SBDS: variants seen among roughly 807,000 people sequenced by gnomAD.
SBDS encodes the protein SBDS ribosome maturation factor.
A neutral mutation model predicts 26.4 loss-of-function variants in SBDS; 20 were observed. That is an observed-to-expected ratio of 0.76 (90% CI 0.53 to 1.10). The LOEUF (loss-of-function observed/expected upper bound fraction) is 1.10. Among genes scored for constraint, SBDS ranks in the 50% least tolerant of loss-of-function variants. SBDS has a pLI of 0.00. For missense variants in SBDS, 241 were observed against 302.0 expected, an observed-to-expected ratio of 0.80 and a Z score of 1.50; for synonymous variants, 95 against 105.1, an observed-to-expected ratio of 0.90 and a Z score of 0.59.
At chr7:66,995,265 A>G in intron 1 of SBDS, 25 bp downstream of exon 1, 1 of 1,613,160 alleles carries the variant, frequency 6.2e-7, no homozygotes, top group Non-Finnish European at 8.5e-7. Flanking sequence ...GCCCAGGCCC[A>G]GGCCCGAGGG....
At position 66,987,720 on chromosome 7, in the gene SBDS, T is replaced by C. The variant is rs1792897325; in HGVS notation, c.*651A>G. 1 of 168,744 alleles carries C rather than the reference T, an allele frequency of 5.9e-6. No homozygotes were observed. Among genetic ancestry groups the C allele is most frequent in the East Asian group, 1.2e-4 (1 of 8,678 alleles). The allele number at this position is 168,744 out of a possible 1,614,324, so 10.5% of individuals were successfully genotyped here. On this transcript the variant is annotated 3_prime_UTR_variant, in exon 5 of 5. Coordinates refer to ENST00000246868, the MANE Select transcript of SBDS (RefSeq NM_016038.4). ...CATAGTTTAATAAACATAAGAGTGG[T>C]TTTATTGATTACATACAATTTTAGC...
intron 1 of SBDS, 141 bp downstream of exon 1, chr7:66,995,149 T>C (rs1409420801): frequency 1.7e-6 from 2 of 1,208,194 alleles, no homozygotes; most frequent in Non-Finnish European, 2.4e-6. Context: ...CAGCGACGTC[T>C]CATGCTCACA....
At position 66,995,580 on chromosome 7, in the gene SBDS, T is replaced by G. The variant is rs544584268; in HGVS notation, c.-163A>C. 4.9e-6 allele frequency: 5 copies of G among 1,020,484 alleles called. No homozygotes were observed. In the African/African-American group the frequency reaches 6.4e-5, roughly 13 times the overall value. The allele number at this position is 1,020,484 out of a possible 1,614,324, so 63.2% of individuals were successfully genotyped here. A position where few individuals can be genotyped will look rare whatever the true frequency, so the allele number is the denominator to read the frequency against. On this transcript the variant is annotated 5_prime_UTR_variant, in exon 1 of 5. Transcript: ENST00000246868. ...CACTAGCTTCAGGCAGCCGTCACAG[T>G]GTGTCTGGCAGGCTTACTTACTGCG...
chr7:66,994,291 A>G lies in SBDS; in HGVS notation c.179T>C (p.Val60Ala). The G allele has an allele frequency of 6.2e-7, 1 of 1,614,120 alleles. No homozygotes were observed. The highest frequency in any genetic ancestry group is 8.5e-7 in the Non-Finnish European group (1 of 1,179,982). Residue 60 changes from valine to alanine, a missense_variant, in exon 2 of 5, where the codon GTT becomes GCT. Transcript: ENST00000246868. The stretch of plus-strand genomic sequence containing the variant: ...CTTTTTGGCAACCTGACCTTTAGAA[A>G]CATTTACAAACACTGAGTGGGTCTG... ...VLQTHSVFVN[V>A]SKGQVAKKED...
chr7:66,994,174 T>G, intron 2 of SBDS, 38 bp downstream of exon 2: 1 of 1,609,446 alleles, frequency 6.2e-7, no homozygotes, highest in Non-Finnish European at 8.5e-7. Flanking sequence ...ACGTTATAAA[T>G]GGTTATTAGG....
chr7:66,990,049 C>T (rs1347884628), intron 4 of SBDS, among the ~76,000 whole-genome samples: 19 of 137,154 alleles, frequency 1.4e-4, no homozygotes, highest in African/African-American at 3.8e-4. Flanking sequence ...GATGGAGTTT[C>T]GCTCTTGTTG....
At chr7:66,991,497 A>G (rs1792974067) in intron 3 of SBDS, among the ~76,000 whole-genome samples, 196 bp from the exon 4 acceptor site, 1 of 152,086 alleles carries the variant, frequency 6.6e-6, no homozygotes, top group African/African-American at 2.4e-5. Context: ...TCAAAAAACT[A>G]TGAAGAAAGT....
intron 2 of SBDS, 104 bp from the exon 3 acceptor site, chr7:66,993,521 A>G: frequency 3.4e-6 from 3 of 887,266 alleles, no homozygotes; most frequent in Non-Finnish European, 5.5e-6. Context: ...AGAAAATTAA[A>G]TTTCATCCTC....
intron 3 of SBDS, among the ~76,000 whole-genome samples, chr7:66,992,955 C>T (rs746278166): frequency 2.1e-4 from 31 of 150,220 alleles, no homozygotes; most frequent in Non-Finnish European, 3.2e-4. Context: ...TGTAGTGAGC[C>T]GAGATCATAC....
At position 66,991,289 on chromosome 7, in the gene SBDS, T is replaced by A. The variant is rs750709245; in HGVS notation, c.472A>T (p.Ile158Leu). The A allele has an allele frequency of 6.2e-7, 1 of 1,612,268 alleles. No individual in the cohort carries two copies. Among genetic ancestry groups the A allele is most frequent in the Non-Finnish European group, 8.5e-7 (1 of 1,178,800 alleles). The change falls in exon 4 of 5, where the codon ATA becomes TTA. Residue 158 changes from isoleucine (I) to leucine (L), a missense_variant. Ile to Leu is a conservative substitution (Grantham distance 5). Coordinates refer to ENST00000246868, the MANE Select transcript of SBDS (RefSeq NM_016038.4). ...KSTKQQALEV[I>L]KQLKEKMKIE... is the part of the protein sequence containing the mutation. ...TTCATTTTCTCTTTTAACTGCTTTA[T>A]CACTTCCAAAGCCTACCAAGACAAA...
At chr7:66,989,012 G>A (rs1792922426) in intron 4 of SBDS, among the ~76,000 whole-genome samples, 1 of 151,902 alleles carries the variant, frequency 6.6e-6, no homozygotes, top group South Asian at 2.1e-4. Context: ...TGGGATTACA[G>A]GAACCCACCA....
rs2129233023 is a variant in SBDS at position 66,995,489 on chromosome 7, C to T, written c.-72G>A. The T allele has an allele frequency of 6.8e-6, 11 of 1,607,892 alleles. No individual in the cohort carries two copies. In the South Asian group the frequency reaches 1.2e-4, roughly 18 times the overall value. On this transcript the variant is annotated 5_prime_UTR_variant, in exon 1 of 5. Coordinates refer to ENST00000246868, the MANE Select transcript of SBDS (RefSeq NM_016038.4). ...CGCCGTCCAGCCTGAAGGCCACCAG[C>T]GCCTCGCGGTAACGACCGATCGGCG...
At chr7:66,992,150 C>T (rs1292755271) in intron 3 of SBDS, among the ~76,000 whole-genome samples, 7 of 152,142 alleles carry the variant, frequency 4.6e-5, no homozygotes, top group Admixed American at 3.9e-4. Context: ...TGTTTCTTTC[C>T]GTACAGTGGG....
chr7:66,995,124 G>A (rs979055377), intron 1 of SBDS, 166 bp downstream of exon 1: 1 of 928,946 alleles, frequency 1.1e-6, no homozygotes, highest in Admixed American at 2.4e-5. Context: ...CCTTGGCTTA[G>A]GCGCCAAGCT....
At chr7:66,995,219 G>A in intron 1 of SBDS, 71 bp downstream of exon 1, 2 of 1,603,970 alleles carry the variant, frequency 1.2e-6, no homozygotes, top group Non-Finnish European at 1.7e-6. Context: ...CACTCGACTT[G>A]GGCAGAGACA....
Position 66,995,349 on chromosome 7 carries a change from G to A in SBDS, c.69C>T (p.Ala23=). Residue 23 remains alanine, a synonymous_variant, in exon 1 of 5, where the codon GCC becomes GCT. Coordinates refer to ENST00000246868, the MANE Select transcript of SBDS (RefSeq NM_016038.4). ...TNVAVVRMKR[A]GKRFEIACYK... ...AGCAGGCGATTTCGAAGCGCTTCCC[G>A]GCACGCTTCATCCGTACCACGGCCA... 1 of 1,614,150 alleles carries A rather than the reference G, an allele frequency of 6.2e-7. No homozygotes were observed. Among genetic ancestry groups the A allele is most frequent in the South Asian group, 1.1e-5 (1 of 91,086 alleles).
intron 1 of SBDS, 26 bp from the exon 2 acceptor site, chr7:66,994,367 T>A: frequency 6.2e-7 from 1 of 1,608,368 alleles, no homozygotes; most frequent in African/African-American, 1.3e-5. Context: ...GAGAAAGTCC[T>A]ATGTGAATAT....
intron 2 of SBDS, 130 bp downstream of exon 2, chr7:66,994,082 G>T: frequency 5.2e-6 from 4 of 770,356 alleles, no homozygotes; most frequent in African/African-American, 1.8e-5. Context: ...ATTATTAGAA[G>T]TGACACTGTG....
intron 1 of SBDS, 123 bp downstream of exon 1, chr7:66,995,167 T>C: frequency 1.5e-6 from 2 of 1,346,664 alleles, no homozygotes; most frequent in Non-Finnish European, 2.1e-6. Context: ...ACAGCAGGAA[T>C]GTTCCATTTC....
Sources: gnomAD v4.1 joint callset for allele counts (sites outside exome capture counted in the v4.1 genomes callset) on GRCh38, gnomAD v4.1.1 for gene constraint, MANE v1.5 for transcripts, NCBI Gene and HGNC (gene_info 2026-07-23, HGNC 2026-07-21) for gene names.